Variants in COL4A4 observed in about 807,000 individuals in gnomAD.
COL4A4 encodes collagen alpha-4(IV) chain.
A neutral mutation model predicts 192.9 loss-of-function variants in COL4A4; 105 were observed. The observed-to-expected ratio is 0.54, with a 90% CI of 0.46 to 0.64. COL4A4 has a LOEUF of 0.64. Ranked by LOEUF, COL4A4 falls within the 30% of genes least tolerant of loss-of-function variation. The pLI, the probability that COL4A4 is intolerant of heterozygous loss-of-function variation, is 0.00. For synonymous variants in COL4A4, 762 were observed against 769.9 expected (o/e 0.99, Z 0.17); for missense variants, 1,967 against 2,169.3 (o/e 0.91, Z 1.85).
At position 227,022,038 on chromosome 2, in the gene COL4A4, C is replaced by A. The variant is rs753712026; in HGVS notation, c.4216+10G>T. 17 of 1,611,406 alleles carry A rather than the reference C, an allele frequency of 1.1e-5. No homozygotes were observed. Among genetic ancestry groups the A allele is most frequent in the South Asian group, 6.6e-5 (6 of 90,602 alleles). Reference sequence around the variant, plus strand: ...ATGAAAATAATGAACAATCAGCATGCGGCTCATACCTGGTCCTGAGGGGCC... The same window carrying A: ...ATGAAAATAATGAACAATCAGCATGAGGCTCATACCTGGTCCTGAGGGGCC... On this transcript the variant is annotated intron_variant, in intron 44 of 47. Transcript: ENST00000396625.
chr2:227,034,168 C>T (rs1390025572), intron 37 of COL4A4, among the ~76,000 whole-genome samples: 1 of 152,176 alleles, frequency 6.6e-6, no homozygotes, highest in Non-Finnish European at 1.5e-5. Flanking sequence ...TCTCTCAGAA[C>T]CTTCTGTTTA....
At chr2:227,154,394 T>C (rs2064178602) in intron 1 of COL4A4, among the ~76,000 whole-genome samples, 1 of 152,176 alleles carries the variant, frequency 6.6e-6, no homozygotes, top group Admixed American at 6.5e-5. Context: ...TCTCATCGAA[T>C]GGGGGAGGAG....
chr2:227,067,345 C>T (rs1248442666), intron 25 of COL4A4, among the ~76,000 whole-genome samples: 1 of 152,176 alleles, frequency 6.6e-6, no homozygotes, highest in Non-Finnish European at 1.5e-5. Flanking sequence ...AGGAATTGAA[C>T]TCAGCTCTGC....
In COL4A4 at chr2:227,003,832, AAAAAC is replaced by A. The variant is rs1270324475; in HGVS notation, c.*3488_*3492del. 1 of 152,234 alleles carries A rather than the reference AAAAAC, an allele frequency of 6.6e-6. No homozygotes were observed. Among genetic ancestry groups the A allele is most frequent in the Non-Finnish European group, 1.5e-5 (1 of 68,044 alleles). The allele number at this position is 152,234 out of a possible 1,614,324, so 9.4% of individuals were successfully genotyped here. The stretch of plus-strand genomic sequence containing the variant: ...CATTTCTGAAATTTCTGTTTATAGA[AAAAAC>A]AAAAATCTATTTTTGGAGGGGTGTG... On this transcript the variant is annotated 3_prime_UTR_variant, in exon 48 of 48. Coordinates refer to ENST00000396625, the MANE Select transcript of COL4A4 (RefSeq NM_000092.5).
chr2:227,070,525 A>G, intron 25 of COL4A4, among the ~76,000 whole-genome samples: 1 of 152,112 alleles, frequency 6.6e-6, no homozygotes, highest in Non-Finnish European at 1.5e-5. Context: ...TACACCATGG[A>G]ATACTATGCA....
chr2:227,112,548 C>T (rs546535719), intron 8 of COL4A4, among the ~76,000 whole-genome samples: 20 of 152,266 alleles, frequency 1.3e-4, no homozygotes, highest in Admixed American at 7.8e-4. Context: ...GGATTACAGG[C>T]GTGAGCCACC....
chr2:227,031,805 G>A (rs1968472267), intron 40 of COL4A4, 140 bp downstream of exon 40: 1 of 724,412 alleles, frequency 1.4e-6, no homozygotes, highest in Non-Finnish European at 2.5e-6. Flanking sequence ...CCCTAACTGT[G>A]TCCCACTTAT....
chr2:227,015,122 A>G (rs1264380445), intron 44 of COL4A4, among the ~76,000 whole-genome samples: 1 of 152,022 alleles, frequency 6.6e-6, no homozygotes, highest in Non-Finnish European at 1.5e-5. Context: ...GCTGGTCTCA[A>G]ACTGCTGACC....
intron 47 of COL4A4, 55 bp from the exon 48 acceptor site, chr2:227,007,643 C>T: frequency 1.9e-6 from 3 of 1,609,584 alleles, no homozygotes; most frequent in Middle Eastern, 2.3e-4. Flanking sequence ...CAACCCCAGA[C>T]CCAATCAGGG....
intron 44 of COL4A4, among the ~76,000 whole-genome samples, chr2:227,013,886 A>T (rs1575744644): frequency 6.6e-6 from 1 of 151,938 alleles, no homozygotes; most frequent in African/African-American, 2.4e-5. Context: ...CTACTGAGGG[A>T]CCAGCCTTGC....
chr2:227,030,626 T>C (rs1968083692), intron 40 of COL4A4, 28 bp from the exon 41 acceptor site: 1 of 1,553,844 alleles, frequency 6.4e-7, no homozygotes, highest in Non-Finnish European at 8.7e-7. Flanking sequence ...ACAAAAATAT[T>C]CTTTTAGTCA....
chr2:227,039,492 T>G (rs942816916), intron 37 of COL4A4, among the ~76,000 whole-genome samples: 3 of 152,220 alleles, frequency 2.0e-5, no homozygotes, highest in Non-Finnish European at 2.9e-5. Flanking sequence ...TGTAATAGCA[T>G]GCCATACTGA....
At chr2:227,114,162 A>T (rs545534655) in intron 8 of COL4A4, among the ~76,000 whole-genome samples, 1 of 152,354 alleles carries the variant, frequency 6.6e-6, no homozygotes, top group South Asian at 2.1e-4. Flanking sequence ...TTTAATTACA[A>T]ATAAATCAGT....
rs10178202 is a variant in COL4A4, at chr2:227,049,845, C to T, written c.3214+223G>A. ...GGGACTCTCACAGAGGAGGAAGACA[C>T]GAAGAGCCTGCAGGCATGCTGTTTT... On this transcript the variant is annotated intron_variant, in intron 34 of 47. Coordinates refer to ENST00000396625, the MANE Select transcript of COL4A4 (RefSeq NM_000092.5). 0.34 allele frequency among the ~76,000 whole-genome samples: 52,071 copies of T among 152,104 alleles called. 9,547 individuals carry two copies. The highest frequency in any genetic ancestry group is 0.49 in the South Asian group (2,384 of 4,818).
chr2:227,078,140 A>C, intron 24 of COL4A4, 63 bp from the exon 25 acceptor site: 1 of 1,558,582 alleles, frequency 6.4e-7, no homozygotes, highest in Admixed American at 1.7e-5. Context: ...CAAAGCAGTC[A>C]TTGTAGGTTA....
At chr2:226,968,006 G>T in the COL4A4 span, among the ~76,000 whole-genome samples, 1 of 152,168 alleles carries the variant, frequency 6.6e-6, no homozygotes, top group Non-Finnish European at 1.5e-5. Context: ...TGAGCATTTT[G>T]TATGAGTTTT....
chr2:227,115,209 A>G (rs2061424288), intron 7 of COL4A4, among the ~76,000 whole-genome samples: 1 of 151,418 alleles, frequency 6.6e-6, no homozygotes, highest in Non-Finnish European at 1.5e-5. Context: ...AAATAACCTC[A>G]GTGTATTCTT....
At chr2:227,000,708 C>T (rs1329914622), downstream of COL4A4, among the ~76,000 whole-genome samples, 3 of 151,962 alleles carry the variant, frequency 2.0e-5, no homozygotes, top group African/African-American at 4.8e-5. Context: ...TTTCTAGGGG[C>T]TCCAGAGGTA....
At chr2:227,093,739 C>G (rs1190190333) in intron 20 of COL4A4, among the ~76,000 whole-genome samples, 2 of 152,124 alleles carry the variant, frequency 1.3e-5, no homozygotes, top group Non-Finnish European at 2.9e-5. Context: ...TTAGCCAGCT[C>G]TATGTATGTT....
Sources: allele counts gnomAD v4.1 joint callset (sites outside exome capture counted in the v4.1 genomes callset), GRCh38; gene constraint gnomAD v4.1.1; transcripts MANE v1.5; gene names NCBI Gene and HGNC (gene_info 2026-07-23, HGNC 2026-07-21).